The following DCBLD2 variants were observed in gnomAD, a reference collection of about 807,000 sequenced individuals.
DCBLD2 encodes the protein discoidin, CUB and LCCL domain-containing protein 2.
DCBLD2 carries 54 observed loss-of-function variants against 86.8 expected under a neutral mutation model. The observed-to-expected ratio is 0.62, with a 90% CI of 0.50 to 0.78. DCBLD2 has a LOEUF of 0.78. DCBLD2 is among the 30% of genes least tolerant of loss of function. The probability of loss-of-function intolerance (pLI) is 0.00; values close to 1 mark genes in which losing one functional copy is unlikely to be tolerated. For missense variants in DCBLD2, 908 were observed against 954.2 expected (o/e 0.95, Z 0.64); for synonymous variants, 354 against 341.3 (o/e 1.04, Z -0.41).
At chr3:98,878,390 A>G (rs1943406818) in intron 2 of DCBLD2, among the ~76,000 whole-genome samples, 1 of 152,220 alleles carries the variant, frequency 6.6e-6, no homozygotes, top group Non-Finnish European at 1.5e-5. Flanking sequence ...CGAAATCATT[A>G]GCCCATATAC....
At position 98,878,572 on chromosome 3, in the gene DCBLD2, C is replaced by T. The variant is rs1943409848; in HGVS notation, c.433+2968G>A. ...ATGTATTTGTTTCTATCCTGTAATT[C>T]TCTGCAGACCTATCTTAACCAGAAT... On this transcript the variant is annotated intron_variant, in intron 2 of 15. Transcript: ENST00000326840. Among the ~76,000 whole-genome samples the T allele has an allele frequency of 2.0e-5, 3 of 152,168 alleles. No individual in the cohort carries two copies. The South Asian group carries it at 6.2e-4, about 31-fold the overall frequency.
At chr3:98,893,020 A>G (rs1275741623) in intron 1 of DCBLD2, among the ~76,000 whole-genome samples, 1 of 152,116 alleles carries the variant, frequency 6.6e-6, no homozygotes, top group African/African-American at 2.4e-5. Flanking sequence ...TTTCTGCCAC[A>G]TTCCTCTATT....
intron 3 of DCBLD2, among the ~76,000 whole-genome samples, chr3:98,847,330 T>A (rs532984863): frequency 6.6e-6 from 1 of 152,366 alleles, no homozygotes; most frequent in Admixed American, 6.5e-5. Flanking sequence ...GAGGCAGGGA[T>A]ACCAAGAGTC....
chr3:98,870,735 GAAAAAGAAAGAA>G (rs1217377952), intron 2 of DCBLD2, among the ~76,000 whole-genome samples: 38 of 60,210 alleles, frequency 6.3e-4, no homozygotes, highest in African/African-American at 2.0e-3. Flanking sequence ...AGAAAAGAAA[GAAAAAGAAAGAA>G]AGAAAGAAAG....
At chr3:98,850,064 T>TAA (rs1231939947) in intron 2 of DCBLD2, among the ~76,000 whole-genome samples, 1 of 152,238 alleles carries the variant, frequency 6.6e-6, no homozygotes, top group African/African-American at 2.4e-5. Flanking sequence ...GTTGGATTTC[T>TAA]AGTTAATCTC....
intron 2 of DCBLD2, among the ~76,000 whole-genome samples, chr3:98,865,607 C>T (rs1943128222): frequency 2.6e-5 from 4 of 152,080 alleles, no homozygotes; most frequent in African/African-American, 7.2e-5. Context: ...ACCACAAAAA[C>T]GTTAAGTACG....
chr3:98,857,928 G>T (rs991838194), intron 2 of DCBLD2, among the ~76,000 whole-genome samples: 1 of 152,240 alleles, frequency 6.6e-6, no homozygotes, highest in Non-Finnish European at 1.5e-5. Flanking sequence ...ATCCCGCACC[G>T]GGGCTGCAGG....
At chr3:98,860,104 A>C (rs1393503516) in intron 2 of DCBLD2, among the ~76,000 whole-genome samples, 1 of 152,270 alleles carries the variant, frequency 6.6e-6, no homozygotes, top group Non-Finnish European at 1.5e-5. Context: ...TAATTCAATC[A>C]ACTGGAAGAA....
intron 3 of DCBLD2, among the ~76,000 whole-genome samples, chr3:98,826,943 G>A (rs1942235020): frequency 6.6e-6 from 1 of 151,966 alleles, no homozygotes; most frequent in Non-Finnish European, 1.5e-5. Flanking sequence ...TTAAATTAAT[G>A]GTTACCACAG....
intron 13 of DCBLD2, chr3:98,804,936 C>T (rs1299782007): frequency 6.6e-6 from 1 of 152,292 alleles, no homozygotes; most frequent in African/African-American, 2.4e-5. Context: ...TTTTCTGTTA[C>T]ATTTGCTGAT....
At chr3:98,877,434 T>A (rs1185983710) in intron 2 of DCBLD2, among the ~76,000 whole-genome samples, 4 of 152,138 alleles carry the variant, frequency 2.6e-5, no homozygotes, top group Non-Finnish European at 5.9e-5. Flanking sequence ...GTAAATACAT[T>A]ACAGGTAATG....
At chr3:98,860,480 T>C (rs752601996) in intron 2 of DCBLD2, among the ~76,000 whole-genome samples, 33 of 152,130 alleles carry the variant, frequency 2.2e-4, no homozygotes, top group Non-Finnish European at 4.9e-4. Context: ...GAGAGAAAGG[T>C]TGGGTTACCC....
chr3:98,817,996 T>C, intron 8 of DCBLD2, 103 bp from the exon 9 acceptor site: 1 of 1,373,806 alleles, frequency 7.3e-7, no homozygotes, highest in Admixed American at 2.2e-5. Context: ...CGAACATTTC[T>C]AATTATGGCT....
chr3:98,881,888 T>A (rs534036946), intron 1 of DCBLD2, 121 bp from the exon 2 acceptor site: 2 of 984,486 alleles, frequency 2.0e-6, no homozygotes, highest in Admixed American at 2.8e-5. Flanking sequence ...ACCCATACTT[T>A]CTATTTTATT....
chr3:98,848,891 C>T (rs916018017), intron 3 of DCBLD2, among the ~76,000 whole-genome samples: 30 of 151,838 alleles, frequency 2.0e-4, no homozygotes, highest in East Asian at 1.9e-4. Context: ...TATTATAGGC[C>T]GGGTGCAGTA....
Position 98,900,475 on chromosome 3 carries a change from G to GA in DCBLD2, c.205+646dup, listed in dbSNP as rs973985356. 3.3e-3 allele frequency among the ~76,000 whole-genome samples: 488 copies of GA among 145,774 alleles called. 1 individual carries two copies. Among genetic ancestry groups the GA allele is most frequent in the East Asian group, 0.016 (81 of 5,048 alleles). ...ACAGGTTTTTCAAGGATTGTAGGTG[G>GA]AAAAAAAAAAAAGTTTTGTCACTTT... On this transcript the variant is annotated intron_variant, in intron 1 of 15. Transcript: ENST00000326840.
At chr3:98,878,876 G>A (rs1470519189) in intron 2 of DCBLD2, among the ~76,000 whole-genome samples, 2 of 152,146 alleles carry the variant, frequency 1.3e-5, no homozygotes, top group African/African-American at 2.4e-5. Flanking sequence ...ACCAAACACT[G>A]CAAAGTATTA....
At chr3:98,844,956 T>C (rs1314551009) in intron 3 of DCBLD2, among the ~76,000 whole-genome samples, 1 of 152,182 alleles carries the variant, frequency 6.6e-6, no homozygotes, top group African/African-American at 2.4e-5. Flanking sequence ...ATAGATGTGG[T>C]TGTTTGTATA....
intron 13 of DCBLD2, among the ~76,000 whole-genome samples, chr3:98,804,241 T>G (rs1390799651): frequency 1.3e-5 from 2 of 152,234 alleles, no homozygotes; most frequent in Non-Finnish European, 2.9e-5. Flanking sequence ...ATTGGTCTAT[T>G]CAGGGATTCA....
Sources: allele counts gnomAD v4.1 joint callset (sites outside exome capture counted in the v4.1 genomes callset), GRCh38; gene constraint gnomAD v4.1.1; transcripts MANE v1.5; gene names NCBI Gene and HGNC (gene_info 2026-07-23, HGNC 2026-07-21).